The following VPS36 variants were observed in gnomAD, a reference collection of about 807,000 sequenced individuals.
VPS36 encodes vacuolar protein-sorting-associated protein 36.
VPS36 carries 31 observed loss-of-function variants against 63.5 expected under a neutral mutation model. The observed-to-expected ratio is 0.49, with a 90% confidence interval of 0.37 to 0.66. VPS36 has a LOEUF of 0.66. Among genes scored for constraint, VPS36 ranks in the 30% least tolerant of loss-of-function variants. The pLI is 0.00. For synonymous variants in VPS36, 138 were observed against 157.2 expected (o/e 0.88, Z 0.91); for missense variants, 338 against 463.7 (o/e 0.73, Z 2.49).
At position 52,413,954 on chromosome 13, in the gene VPS36, T is replaced by A. The variant is rs949017870; in HGVS notation, c.*1876A>T. 6.6e-5 allele frequency: 10 copies of A among 152,232 alleles called. No individual in the cohort carries two copies. The highest frequency in any genetic ancestry group is 1.0e-4 in the Non-Finnish European group (7 of 68,050). 9.4% of individuals were successfully genotyped at this position (152,232 alleles called of 1,614,324 possible). ...GCAAAATATATTTATATATCACTTT[T>A]CTTCCTTCTTAAGTTATTTTATACA... is the stretch of plus-strand genomic sequence containing the variant. On this transcript the variant is annotated 3_prime_UTR_variant, in exon 14 of 14. Coordinates refer to ENST00000378060, the MANE Select transcript of VPS36 (RefSeq NM_016075.4).
intron 6 of VPS36, among the ~76,000 whole-genome samples, chr13:52,431,546 C>T (rs1010268282): frequency 3.3e-5 from 5 of 151,770 alleles, no homozygotes; most frequent in South Asian, 2.1e-4. Context: ...AGGCGGTTCA[C>T]GAGGTCAGGA....
intron 10 of VPS36, among the ~76,000 whole-genome samples, chr13:52,421,521 G>GTTTT (rs545997400): frequency 6.9e-5 from 9 of 130,036 alleles, no homozygotes; most frequent in African/African-American, 1.1e-4. Context: ...TTCTGAGTAG[G>GTTTT]TTTTTTTTTT....
intron 11 of VPS36, among the ~76,000 whole-genome samples, chr13:52,417,560 A>C (rs575069144): frequency 6.6e-6 from 1 of 152,274 alleles, no homozygotes; most frequent in Non-Finnish European, 1.5e-5. Flanking sequence ...GGGTTTCTCC[A>C]TGTTGGTCAG....
At chr13:52,424,620 A>G (rs1958078468) in intron 9 of VPS36, among the ~76,000 whole-genome samples, 1 of 152,130 alleles carries the variant, frequency 6.6e-6, no homozygotes, top group Admixed American at 6.5e-5. Flanking sequence ...AAAACAAACA[A>G]ACAAACAAAC....
chr13:52,433,657 G>C lies in VPS36; in HGVS notation c.528+5C>G. 1.2e-6 allele frequency: 2 copies of C among 1,607,816 alleles called. No homozygotes were observed. Among genetic ancestry groups the C allele is most frequent in the Non-Finnish European group, 1.7e-6 (2 of 1,175,850 alleles). ...ATAGATGGAGAGCCAGAATTTAACA[G>C]TTACCTCAGAAATGTTTTTGTCAGT... On this transcript the variant is annotated splice_donor_5th_base_variant and intron_variant, in intron 6 of 13. Transcript: ENST00000378060.
chr13:52,421,110 C>G (rs1958041435), intron 10 of VPS36, among the ~76,000 whole-genome samples: 2 of 151,852 alleles, frequency 1.3e-5, no homozygotes, highest in South Asian at 4.2e-4. Flanking sequence ...TACTCTGTCT[C>G]AAAAATACAA....
intron 12 of VPS36, 101 bp from the exon 13 acceptor site, chr13:52,416,194 G>T: frequency 9.2e-7 from 1 of 1,089,182 alleles, no homozygotes; most frequent in Non-Finnish European, 1.3e-6. Context: ...ACCAGTATAT[G>T]CAAGAAATAA....
At position 52,413,975 on chromosome 13, in the gene VPS36, A is replaced by C. The variant is rs181854004; in HGVS notation, c.*1855T>G. ...CTTTTCTTCCTTCTTAAGTTATTTT[A>C]TACAATTCAGATTGCTCCATTTTTT... On this transcript the variant is annotated 3_prime_UTR_variant, in exon 14 of 14. Transcript: ENST00000378060. 7.2e-5 allele frequency: 11 copies of C among 152,308 alleles called. 1 individual carries two copies. Among genetic ancestry groups the C allele is most frequent in the Admixed American group, 7.2e-4 (11 of 15,296 alleles). The allele number at this position is 152,308 out of a possible 1,614,324, so 9.4% of individuals were successfully genotyped here.
Position 52,428,424 on chromosome 13 carries a change from T to C in VPS36, c.529-1205A>G, listed in dbSNP as rs370731604. Among the ~76,000 whole-genome samples, 7 of 152,284 alleles carry C rather than the reference T, an allele frequency of 4.6e-5. No individual in the cohort carries two copies. In the South Asian group the frequency reaches 1.2e-3, roughly 27 times the overall value. On this transcript the variant is annotated intron_variant, in intron 6 of 13. Transcript: ENST00000378060. ...AAGCATCCCCCATCTGCAAAAGGATTTTGCTAAAAGAATAGTGTGTTGCGT... is the reference window on the plus strand; with the variant it reads ...AAGCATCCCCCATCTGCAAAAGGATCTTGCTAAAAGAATAGTGTGTTGCGT...
At chr13:52,433,066 T>G (rs1449551482) in intron 6 of VPS36, among the ~76,000 whole-genome samples, 2 of 152,234 alleles carry the variant, frequency 1.3e-5, no homozygotes, top group African/African-American at 4.8e-5. Flanking sequence ...TATGTTTAGC[T>G]GTATTAACTA....
At chr13:52,423,377 G>A (rs1440543566) in intron 10 of VPS36, among the ~76,000 whole-genome samples, 197 bp downstream of exon 10, 2 of 152,168 alleles carry the variant, frequency 1.3e-5, no homozygotes, top group South Asian at 4.1e-4. Context: ...GTAAGCTACT[G>A]AAGGTCACTA....
intron 9 of VPS36, among the ~76,000 whole-genome samples, chr13:52,425,452 G>C (rs1290810947): frequency 6.6e-6 from 1 of 152,062 alleles, no homozygotes; most frequent in Non-Finnish European, 1.5e-5. Flanking sequence ...GTGGAGGTTG[G>C]TTTACAGGAG....
chr13:52,448,220 C>T (rs1470730184), intron 1 of VPS36, among the ~76,000 whole-genome samples: 1 of 152,192 alleles, frequency 6.6e-6, no homozygotes, highest in Non-Finnish European at 1.5e-5. Flanking sequence ...GCAATCTGGA[C>T]TGCAGTCCCT....
chr13:52,437,123 G>A (rs1958227075), intron 3 of VPS36, among the ~76,000 whole-genome samples: 1 of 150,960 alleles, frequency 6.6e-6, no homozygotes, highest in Admixed American at 6.6e-5. Flanking sequence ...AAAACTCAAA[G>A]TATCCCGGGT....
chr13:52,417,256 C>G, intron 11 of VPS36, 115 bp from the exon 12 acceptor site: 1 of 773,624 alleles, frequency 1.3e-6, no homozygotes, highest in Non-Finnish European at 2.2e-6. Context: ...CAATATTAAA[C>G]AAAACAACAT....
At chr13:52,447,226 T>C (rs1328736697) in intron 1 of VPS36, among the ~76,000 whole-genome samples, 1 of 152,154 alleles carries the variant, frequency 6.6e-6, no homozygotes, top group Non-Finnish European at 1.5e-5. Context: ...TTCAGATTGC[T>C]TCCAATTTTT....
At chr13:52,424,324 G>A (rs1207703820) in intron 9 of VPS36, among the ~76,000 whole-genome samples, 1 of 151,848 alleles carries the variant, frequency 6.6e-6, no homozygotes, top group Non-Finnish European at 1.5e-5. Flanking sequence ...ACAGATCTAG[G>A]TAATGACTGT....
In VPS36 at chr13:52,412,963, T is replaced by C. The variant is rs1294367970; in HGVS notation, c.*2867A>G. On this transcript the variant is annotated 3_prime_UTR_variant, in exon 14 of 14. Coordinates refer to ENST00000378060, the MANE Select transcript of VPS36 (RefSeq NM_016075.4). ...TTTTGTACTTAATATAAGCATAATA[T>C]ATTCATACCTACATATCACTCCACA... The C allele has an allele frequency of 1.3e-5, 2 of 152,660 alleles. No individual in the cohort carries two copies. Among genetic ancestry groups the C allele is most frequent in the Non-Finnish European group, 2.9e-5 (2 of 68,044 alleles). 9.5% of individuals were successfully genotyped at this position (152,660 alleles called of 1,614,324 possible).
chr13:52,439,151 A>G lies in VPS36; in HGVS notation c.183T>C (p.Ile61=). The stretch of plus-strand genomic sequence containing the variant: ...CAATGAACACAATTTGGGAAAGGAG[A>G]ATGGCCATGCAACACTCCTAGGAGG... ...DQKNHECCMA[I]LLSQIVFIEE... is the part of the protein sequence containing the mutation. The change falls in exon 3 of 14, where the codon ATT becomes ATC. Residue 61 remains isoleucine (I), a synonymous_variant. Coordinates refer to ENST00000378060, the MANE Select transcript of VPS36 (RefSeq NM_016075.4). The G allele has an allele frequency of 4.3e-6, 7 of 1,613,878 alleles. No individual in the cohort carries two copies. The highest frequency in any genetic ancestry group is 5.9e-6 in the Non-Finnish European group (7 of 1,179,926).
Sources: allele counts gnomAD v4.1 joint callset (sites outside exome capture counted in the v4.1 genomes callset), GRCh38; gene constraint gnomAD v4.1.1; transcripts MANE v1.5; gene names NCBI Gene and HGNC (gene_info 2026-07-23, HGNC 2026-07-21).